Variants in TLCD5 observed in about 807,000 individuals in gnomAD.
The protein encoded by TLCD5 is TLC domain-containing protein 5.
A neutral mutation model predicts 20.5 loss-of-function variants in TLCD5; 15 were observed. That is an observed-to-expected ratio of 0.73 (90% CI 0.49 to 1.13). TLCD5 has a LOEUF of 1.13. TLCD5 is among the 50% of genes most tolerant of loss of function. The pLI, the probability that TLCD5 is intolerant of heterozygous loss-of-function variation, is 0.00. For missense variants in TLCD5, 289 were observed against 305.6 expected (o/e 0.95, Z 0.41); for synonymous variants, 107 against 114.7 (o/e 0.93, Z 0.43).
At chr11:120,328,864 TA>T (rs1942074342) in intron 2 of TLCD5, among the ~76,000 whole-genome samples, 1 of 130,142 alleles carries the variant, frequency 7.7e-6, no homozygotes. Flanking sequence ...TGTGTGTGTG[TA>T]TGTATATGTA....
chr11:120,330,044 G>T lies in TLCD5; in HGVS notation c.267G>T (p.Leu89Phe), dbSNP rs576908239. ...CCTTGGGCTACTTCATCTTCGACTT[G>T]GGCTGGTGCGTCTACTTTCAGTCTG... ...CLTLGYFIFD[L>F]GWCVYFQSEG... The change falls in exon 3 of 3, where the codon TTG becomes TTT. Residue 89 changes from leucine to phenylalanine, a missense_variant. Transcript: ENST00000375095. The T allele has an allele frequency of 2.8e-5, 46 of 1,614,078 alleles. No homozygotes were observed. The South Asian group carries it at 4.9e-4, about 17-fold the overall frequency.
chr11:120,329,575 C>T (rs184570118), intron 2 of TLCD5, among the ~76,000 whole-genome samples: 5 of 151,622 alleles, frequency 3.3e-5, no homozygotes, highest in Non-Finnish European at 2.9e-5. Flanking sequence ...AAAAATCTGA[C>T]ATTCAGGAAA....
chr11:120,329,789 GT>G (rs1942106848), intron 2 of TLCD5, among the ~76,000 whole-genome samples, 187 bp from the exon 3 acceptor site: 1 of 152,156 alleles, frequency 6.6e-6, no homozygotes, highest in African/African-American at 2.4e-5. Flanking sequence ...TCTGAACATC[GT>G]TTAGTTTGAT....
In TLCD5 at chr11:120,330,657, A is replaced by G; in HGVS notation, c.*142A>G. Reference sequence around the variant, plus strand: ...GTATTGATCAATTTGGTCAGTCTTCAAGCCGAGCATATACCAGTATTAAAA... The same window carrying G: ...GTATTGATCAATTTGGTCAGTCTTCGAGCCGAGCATATACCAGTATTAAAA... On this transcript the variant is annotated 3_prime_UTR_variant, in exon 3 of 3. Coordinates refer to ENST00000375095, the MANE Select transcript of TLCD5 (RefSeq NM_001198671.2). 1 of 961,464 alleles carries G rather than the reference A, an allele frequency of 1.0e-6. No homozygotes were observed. Among genetic ancestry groups the G allele is most frequent in the Non-Finnish European group, 1.5e-6 (1 of 666,982 alleles). 59.6% of individuals were successfully genotyped at this position (961,464 alleles called of 1,614,324 possible). A position where few individuals can be genotyped will look rare whatever the true frequency, so the allele number is the denominator to read the frequency against.
At chr11:120,326,815 A>C (rs1042629983) in intron 1 of TLCD5, among the ~76,000 whole-genome samples, 1 of 152,222 alleles carries the variant, frequency 6.6e-6, no homozygotes, top group African/African-American at 2.4e-5. Context: ...TTTGGGTCGG[A>C]TTTCAGAACT....
Position 120,330,135 on chromosome 11 carries a change from G to C in TLCD5, c.358G>C (p.Gly120Arg). Residue 120 changes from glycine to arginine, a missense_variant, in exon 3 of 3, where the codon GGG becomes CGG. By Grantham distance (125) the Gly-to-Arg change is moderately radical. Coordinates refer to ENST00000375095, the MANE Select transcript of TLCD5 (RefSeq NM_001198671.2). ...GGGCATTATCATGGCCCTTGTGCTT[G>C]GGGAGTCTGGCACAGAGGTCAATGC... ...ILGIIMALVLGESGTEVNAVL... is the reference protein window; with the variant it reads ...ILGIIMALVLRESGTEVNAVL... 6.2e-7 allele frequency: 1 copy of C among 1,612,522 alleles called. No individual in the cohort carries two copies. Among genetic ancestry groups the C allele is most frequent in the Non-Finnish European group, 8.5e-7 (1 of 1,179,144 alleles).
intron 1 of TLCD5, chr11:120,327,236 A>G: frequency 1.1e-6 from 1 of 880,420 alleles, no homozygotes; most frequent in Non-Finnish European, 1.7e-6. Flanking sequence ...ACCAGTTGCT[A>G]ACATGTTATC....
chr11:120,330,015 C>T lies in TLCD5; in HGVS notation c.238C>T (p.Leu80Phe), dbSNP rs543156640. The change falls in exon 3 of 3, where the codon CTC (leucine) becomes TTC (phenylalanine). Residue 80 changes from leucine to phenylalanine, a missense_variant. Physicochemically the swap from Leu to Phe is conservative, Grantham distance 22 (BLOSUM62 0). Transcript: ENST00000375095. ...ACCTCTCCAAGTTCATGTCCTGTGT[C>T]TCACCTTGGGCTACTTCATCTTCGA... Reference protein sequence around the residue: ...NTPLQVHVLCLTLGYFIFDLG... With the variant: ...NTPLQVHVLCFTLGYFIFDLG... The T allele has an allele frequency of 4.8e-4, 769 of 1,614,138 alleles. 5 individuals are homozygous for T. The South Asian group carries it at 7.7e-3, about 16-fold the overall frequency.
At position 120,327,727 on chromosome 11, in the gene TLCD5, G is replaced by A. The variant is rs138105335; in HGVS notation, c.199+87G>A. ...TTTTAAACAGAATTTGTACAATACTGAAGACTAATTCCCATTATAATTTTG... is the reference window on the plus strand; with the variant it reads ...TTTTAAACAGAATTTGTACAATACTAAAGACTAATTCCCATTATAATTTTG... On this transcript the variant is annotated intron_variant, in intron 2 of 2. Coordinates refer to ENST00000375095, the MANE Select transcript of TLCD5 (RefSeq NM_001198671.2). 411 of 1,280,110 alleles carry A rather than the reference G, an allele frequency of 3.2e-4. No homozygotes were observed. The African/African-American group carries it at 3.9e-3, about 12-fold the overall frequency. The allele number at this position is 1,280,110 out of a possible 1,614,324, so 79.3% of individuals were successfully genotyped here. A position where few individuals can be genotyped will look rare whatever the true frequency, so the allele number is the denominator to read the frequency against.
chr11:120,325,701 A>G (rs1028754562), intron 1 of TLCD5, among the ~76,000 whole-genome samples: 5 of 152,152 alleles, frequency 3.3e-5, no homozygotes, highest in Non-Finnish European at 7.4e-5. Flanking sequence ...CTGGCCCTGG[A>G]ACGGGAGAAA....
chr11:120,328,713 T>TTTGTA (rs1942062090), intron 2 of TLCD5, among the ~76,000 whole-genome samples: 1 of 75,612 alleles, frequency 1.3e-5, no homozygotes, highest in Non-Finnish European at 2.5e-5. Context: ...GTGTGTATGT[T>TTTGTA]TATGTATGCA....
intron 2 of TLCD5, among the ~76,000 whole-genome samples, chr11:120,328,898 T>G (rs868460141): frequency 1.4e-5 from 2 of 146,052 alleles, no homozygotes; most frequent in Non-Finnish European, 1.5e-5. Flanking sequence ...TCCTAATCCC[T>G]TCTAAGGATA....
chr11:120,325,411 G>C (rs1397899122), intron 1 of TLCD5, 43 bp downstream of exon 1: 2 of 152,152 alleles, frequency 1.3e-5, no homozygotes, highest in East Asian at 3.9e-4. Flanking sequence ...TGGGCACGGG[G>C]CCCGCGCGGC....
chr11:120,332,314 G>A lies in TLCD5; in HGVS notation c.*1799G>A, dbSNP rs921811263. 8.5e-5 allele frequency: 13 copies of A among 152,132 alleles called. No individual in the cohort carries two copies. The highest frequency in any genetic ancestry group is 1.9e-4 in the Non-Finnish European group (13 of 68,020). 9.4% of individuals were successfully genotyped at this position (152,132 alleles called of 1,614,324 possible). On this transcript the variant is annotated 3_prime_UTR_variant, in exon 3 of 3. Transcript: ENST00000375095. This position sits in a 1 kb window ranked among gnomAD's most constrained non-coding sequence, Gnocchi z 4.2. ...TACATTATGTGGCATTTTATTAATGGAGGTCTTTAATGTAGGGCTTTTATG... is the reference window on the plus strand; with the variant it reads ...TACATTATGTGGCATTTTATTAATGAAGGTCTTTAATGTAGGGCTTTTATG...
intron 2 of TLCD5, among the ~76,000 whole-genome samples, chr11:120,328,783 T>C (rs1942068966): frequency 2.1e-5 from 3 of 142,304 alleles, no homozygotes; most frequent in African/African-American, 5.5e-5. Context: ...TGTGTGCGCG[T>C]GTATGTTTGT....
chr11:120,326,251 T>C (rs183049924), intron 1 of TLCD5, among the ~76,000 whole-genome samples: 1 of 152,170 alleles, frequency 6.6e-6, no homozygotes, highest in Non-Finnish European at 1.5e-5. Context: ...TAAAGTGATT[T>C]GCCCACACTC....
Position 120,330,345 on chromosome 11 carries a change from A to G in TLCD5, c.568A>G (p.Lys190Glu), listed in dbSNP as rs762280128. The change falls in exon 3 of 3, where the codon AAG becomes GAG. Residue 190 changes from lysine to glutamate, a missense_variant. By Grantham distance (56) the Lys-to-Glu change is moderately conservative. Coordinates refer to ENST00000375095, the MANE Select transcript of TLCD5 (RefSeq NM_001198671.2). Reference protein sequence around the residue: ...LFCEMVSPTPKWFVKAGGVAM... With the variant: ...LFCEMVSPTPEWFVKAGGVAM... ...CTGTGAAATGGTCTCCCCCACGCCTAAGTGGTTTGTGAAGGCTGGGGGAGT... is the reference window on the plus strand; with the variant it reads ...CTGTGAAATGGTCTCCCCCACGCCTGAGTGGTTTGTGAAGGCTGGGGGAGT... The G allele has an allele frequency of 6.8e-6, 11 of 1,611,004 alleles. No individual in the cohort carries two copies. The highest frequency in any genetic ancestry group is 1.3e-5 in the African/African-American group (1 of 74,844).
rs1345505176 is a variant in TLCD5 at position 120,327,570 on chromosome 11, T to G, written c.129T>G (p.His43Gln). The part of the protein sequence containing the change: ...EWSCRLVTFT[H>Q]GVLSIGLSAY... Reference sequence around the variant, plus strand: ...GCTGCCGCCTGGTCACCTTCACCCATGGAGTCCTCTCTATAGGCCTCTCCG... The same window carrying G: ...GCTGCCGCCTGGTCACCTTCACCCAGGGAGTCCTCTCTATAGGCCTCTCCG... Residue 43 changes from histidine (H) to glutamine (Q), a missense_variant, in exon 2 of 3, where the codon CAT (histidine) becomes CAG (glutamine). By Grantham distance (24) the His-to-Gln change is conservative. Transcript: ENST00000375095. 6.2e-7 allele frequency: 1 copy of G among 1,614,204 alleles called. No individual in the cohort carries two copies. The highest frequency in any genetic ancestry group is 8.5e-7 in the Non-Finnish European group (1 of 1,180,024).
chr11:120,328,545 C>A (rs540860030), intron 2 of TLCD5, among the ~76,000 whole-genome samples: 20 of 151,992 alleles, frequency 1.3e-4, no homozygotes, highest in African/African-American at 4.8e-4. Context: ...GGCCTCTGTC[C>A]TTGGCTTGCA....
Sources: allele counts gnomAD v4.1 joint callset (sites outside exome capture counted in the v4.1 genomes callset), GRCh38; gene constraint gnomAD v4.1.1; non-coding constraint Gnocchi (gnomAD v3.1); transcripts MANE v1.5; gene names NCBI Gene and HGNC (gene_info 2026-07-23, HGNC 2026-07-21).